ING3: variants seen among roughly 807,000 people sequenced by gnomAD.
The protein encoded by ING3 is inhibitor of growth protein 3.
ING3 carries 6 observed loss-of-function variants against 64.8 expected under a neutral mutation model. The observed-to-expected ratio is 0.09, with a 90% confidence interval of 0.05 to 0.18. The LOEUF (loss-of-function observed/expected upper bound fraction) is 0.18. Among genes scored for constraint, ING3 ranks in the 10% least tolerant of loss-of-function variants. The pLI, the probability that ING3 is intolerant of heterozygous loss-of-function variation, is 1.00. For synonymous variants in ING3, 170 were observed against 173.7 expected (o/e 0.98, Z 0.17); for missense variants, 310 against 489.7 (o/e 0.63, Z 3.46).
intron 8 of ING3, among the ~76,000 whole-genome samples, 158 bp downstream of exon 8, chr7:120,968,249 T>A (rs1036010114): frequency 2.0e-5 from 3 of 152,250 alleles, no homozygotes; most frequent in African/African-American, 7.2e-5. Context: ...TTTAATGAAA[T>A]AATACATAGG....
intron 4 of ING3, chr7:120,956,269 A>G: frequency 6.6e-7 from 1 of 1,521,394 alleles, no homozygotes; most frequent in East Asian, 2.4e-5. Context: ...TTCTCCTAAA[A>G]TATACACTTT....
chr7:120,954,929 A>G (rs1355001149), intron 3 of ING3, among the ~76,000 whole-genome samples: 1 of 152,214 alleles, frequency 6.6e-6, no homozygotes, highest in Non-Finnish European at 1.5e-5. Flanking sequence ...TGTACTTTAC[A>G]AGTTAGATCA....
At chr7:120,964,665 T>C (rs1795975278) in intron 4 of ING3, 77 bp from the exon 5 acceptor site, 1 of 1,123,936 alleles carries the variant, frequency 8.9e-7, no homozygotes, top group African/African-American at 1.5e-5. Flanking sequence ...GAAACAAAAA[T>C]TTAGGTTTCC....
chr7:120,950,954 A>G (rs765810554), intron 1 of ING3, 30 bp downstream of exon 1: 1 of 1,474,386 alleles, frequency 6.8e-7, no homozygotes, highest in Non-Finnish European at 9.2e-7. Context: ...GGCGGCCGCC[A>G]GTGGGACGTG....
Position 120,950,908 on chromosome 7 carries a change from A to G in ING3, c.12A>G (p.Leu4=), listed in dbSNP as rs1396073949. The part of the protein sequence containing the change: MLY[L]EDYLEMIEQL... ...CTCTAAGGGCCGCGATGTTGTACCT[A>G]GAAGACTATCTGGAAAGTGAGTGCG... Residue 4 remains leucine (L), a synonymous_variant, in exon 1 of 12, where the codon CTA becomes CTG. Transcript: ENST00000315870. 1.9e-6 allele frequency: 3 copies of G among 1,613,256 alleles called. No individual in the cohort carries two copies. Among genetic ancestry groups the G allele is most frequent in the East Asian group, 2.2e-5 (1 of 44,824 alleles).
In ING3 at chr7:120,969,140, A is replaced by G; in HGVS notation, c.844A>G (p.Met282Val). The change falls in exon 9 of 12, where the codon ATG (methionine) becomes GTG (valine). Residue 282 changes from methionine to valine, a missense_variant. Met to Val is a conservative substitution (Grantham distance 21). Transcript: ENST00000315870. ...TVGYSSSSAL[M>V]TTLTQNASSS... ...TGGCTATTCATCATCTTCGGCACTT[A>G]TGACAACATTAACACAGAATGCCAG... 4 of 1,614,102 alleles carry G rather than the reference A, an allele frequency of 2.5e-6. No individual in the cohort carries two copies. Among genetic ancestry groups the G allele is most frequent in the South Asian group, 1.1e-5 (1 of 91,082 alleles).
intron 4 of ING3, among the ~76,000 whole-genome samples, chr7:120,959,207 A>G (rs1196210452): frequency 2.0e-5 from 3 of 152,284 alleles, no homozygotes; most frequent in South Asian, 2.1e-4. Context: ...TGGTTCTCAC[A>G]TGAAGGTGAT....
At chr7:120,973,114 AT>A in intron 10 of ING3, 90 bp from the exon 11 acceptor site, 1 of 679,672 alleles carries the variant, frequency 1.5e-6, no homozygotes, top group Non-Finnish European at 2.6e-6. Flanking sequence ...ATTTCCCTTT[AT>A]TTTCCAGCAG....
intron 4 of ING3, chr7:120,956,926 A>G: frequency 1.7e-6 from 1 of 572,194 alleles, no homozygotes; most frequent in Non-Finnish European, 2.2e-6. Context: ...CCTTTACTAA[A>G]GATATTTTGT....
intron 4 of ING3, among the ~76,000 whole-genome samples, chr7:120,961,140 G>A (rs1284944575): frequency 1.3e-5 from 2 of 152,048 alleles, no homozygotes; most frequent in African/African-American, 4.8e-5. Flanking sequence ...TGTCCTTATT[G>A]TCTTTCAGGA....
chr7:120,969,111 C>T lies in ING3; in HGVS notation c.815C>T (p.Thr272Ile). The T allele has an allele frequency of 6.2e-7, 1 of 1,613,850 alleles. No individual in the cohort carries two copies. The highest frequency in any genetic ancestry group is 1.7e-5 in the Admixed American group (1 of 60,006). ...LGKEFSMARE[T>I]VGYSSSSALM... ...AAAGAATTTTCAATGGCCAGGGAAA[C>T]AGTTGGCTATTCATCATCTTCGGCA... Residue 272 changes from threonine to isoleucine, a missense_variant, in exon 9 of 12, where the codon ACA becomes ATA. Physicochemically the swap from Thr to Ile is moderately conservative, Grantham distance 89. Coordinates refer to ENST00000315870, the MANE Select transcript of ING3 (RefSeq NM_019071.3).
chr7:120,951,128 T>G (rs1351264493), intron 1 of ING3, 36 bp from the exon 2 acceptor site: 1 of 1,609,872 alleles, frequency 6.2e-7, no homozygotes, highest in East Asian at 2.2e-5. Context: ...ATTTCGCCGT[T>G]GGCCCCGCCC....
At chr7:120,956,951 TATAAC>T (rs1384230031) in intron 4 of ING3, 12 of 448,080 alleles carry the variant, frequency 2.7e-5, no homozygotes, top group African/African-American at 1.1e-4. Context: ...TTAGAAAAAA[TATAAC>T]ATAAATATAT....
At chr7:120,968,580 C>T (rs1413119943) in intron 8 of ING3, among the ~76,000 whole-genome samples, 3 of 152,118 alleles carry the variant, frequency 2.0e-5, no homozygotes, top group Non-Finnish European at 4.4e-5. Context: ...CATGGTGACT[C>T]ACACCTGTAA....
At chr7:120,969,285 T>G (rs768419875) in intron 9 of ING3, 81 bp downstream of exon 9, 17 of 1,086,564 alleles carry the variant, frequency 1.6e-5, no homozygotes, top group Non-Finnish European at 2.3e-5. Flanking sequence ...CTCTCTATGT[T>G]AAAGGCAGGA....
intron 6 of ING3, 55 bp downstream of exon 6, chr7:120,966,752 C>A: frequency 8.3e-7 from 1 of 1,203,942 alleles, no homozygotes; most frequent in Non-Finnish European, 1.2e-6. Flanking sequence ...CTTATTATAT[C>A]ACCTATATGT....
intron 2 of ING3, among the ~76,000 whole-genome samples, chr7:120,951,833 G>C (rs1011873111): frequency 6.6e-6 from 1 of 152,244 alleles, no homozygotes; most frequent in African/African-American, 2.4e-5. Flanking sequence ...AAAAATTTTA[G>C]CAGTTAATGA....
At chr7:120,961,695 A>AGG (rs1795935959) in intron 4 of ING3, among the ~76,000 whole-genome samples, 1 of 152,218 alleles carries the variant, frequency 6.6e-6, no homozygotes, top group Admixed American at 6.5e-5. Context: ...GTTAACAAGT[A>AGG]ATGTTGGTAG....
In ING3 at chr7:120,953,270, T is replaced by C. The variant is rs560719813; in HGVS notation, c.101-34T>C. 1.6e-5 allele frequency: 21 copies of C among 1,291,138 alleles called. No homozygotes were observed. In the African/African-American group the frequency reaches 3.0e-4, roughly 19 times the overall value. 80.0% of individuals were successfully genotyped at this position (1,291,138 alleles called of 1,614,324 possible). On this transcript the variant is annotated intron_variant, in intron 2 of 11. Coordinates refer to ENST00000315870, the MANE Select transcript of ING3 (RefSeq NM_019071.3). ...ATGTATATTTAGTATATGAATTTGGTCATTTAATATGAATTTTTTTTATTA... is the reference window on the plus strand; with the variant it reads ...ATGTATATTTAGTATATGAATTTGGCCATTTAATATGAATTTTTTTTATTA...
Sources: allele counts gnomAD v4.1 joint callset (sites outside exome capture counted in the v4.1 genomes callset), GRCh38; gene constraint gnomAD v4.1.1; transcripts MANE v1.5; gene names NCBI Gene and HGNC (gene_info 2026-07-23, HGNC 2026-07-21).